Variants in EYS observed in about 807,000 individuals in gnomAD.
EYS encodes the protein EGF-like photoreceptor maintenance factor.
In EYS, 250 loss-of-function variants were observed where a neutral mutation model predicts 282.1. The observed-to-expected ratio is 0.89, with a 90% CI of 0.80 to 0.98. EYS has a LOEUF of 0.98. EYS is among the 50% of genes least tolerant of loss of function. The pLI is 0.00. For synonymous variants in EYS, 1,355 were observed against 1,282.9 expected, an observed-to-expected ratio of 1.06 and a Z score of -1.20; for missense variants, 4,016 against 3,709.0, an observed-to-expected ratio of 1.08 and a Z score of -2.15.
rs188992821 is a variant in EYS, at chr6:64,970,716, A to G, written c.2260-24802T>C. On this transcript the variant is annotated intron_variant, in intron 14 of 42. Coordinates refer to ENST00000503581, the MANE Select transcript of EYS (RefSeq NM_001142800.2). The stretch of plus-strand genomic sequence containing the variant: ...AACCTTGAATAACACCACTGAACCC[A>G]TATGAAGTGCCACTAGTGATGCTGC... 2.0e-5 allele frequency among the ~76,000 whole-genome samples: 3 copies of G among 152,292 alleles called. No individual in the cohort carries two copies. The East Asian group carries it at 5.8e-4, about 29-fold the overall frequency.
chr6:64,104,597 G>A (rs1341251127), intron 31 of EYS, among the ~76,000 whole-genome samples: 1 of 151,858 alleles, frequency 6.6e-6, no homozygotes, highest in Admixed American at 6.6e-5. Flanking sequence ...CCTCTAAGGG[G>A]TGTCTTACTA....
intron 22 of EYS, among the ~76,000 whole-genome samples, chr6:64,732,578 G>A (rs189014025): frequency 9.9e-5 from 15 of 152,134 alleles, no homozygotes; most frequent in South Asian, 2.1e-4. Flanking sequence ...TGAGGGAATC[G>A]TAAGTATAAA....
intron 31 of EYS, among the ~76,000 whole-genome samples, chr6:64,153,223 T>C (rs1774799879): frequency 6.6e-6 from 1 of 152,076 alleles, no homozygotes; most frequent in Admixed American, 6.5e-5. Flanking sequence ...TTTTTGTGCA[T>C]AGTCGCACAT....
At chr6:64,420,098 G>A (rs934527819) in intron 28 of EYS, among the ~76,000 whole-genome samples, 7 of 152,188 alleles carry the variant, frequency 4.6e-5, no homozygotes, top group Admixed American at 4.6e-4. Context: ...TCATACCTCT[G>A]AAATCTAGGC....
intron 22 of EYS, among the ~76,000 whole-genome samples, chr6:64,789,899 AT>A (rs2149999513): frequency 6.6e-6 from 1 of 151,866 alleles, no homozygotes; most frequent in South Asian, 2.1e-4. Context: ...ATATATATAT[AT>A]ATAAATGTCA....
chr6:65,690,532 G>A (rs1419749493), intron 1 of EYS, among the ~76,000 whole-genome samples: 1 of 150,154 alleles, frequency 6.7e-6, no homozygotes, highest in Non-Finnish European at 1.5e-5. Flanking sequence ...GCTCTCTGCA[G>A]GCGGAAGCAC....
intron 12 of EYS, among the ~76,000 whole-genome samples, chr6:65,206,418 C>G (rs568468338): frequency 6.6e-6 from 1 of 151,326 alleles, no homozygotes; most frequent in African/African-American, 2.4e-5. Flanking sequence ...AAAATAAGCC[C>G]AGGACCAACA....
chr6:64,948,529 C>T (rs1040490828), intron 14 of EYS, among the ~76,000 whole-genome samples: 7 of 143,032 alleles, frequency 4.9e-5, no homozygotes, highest in Non-Finnish European at 9.1e-5. Context: ...TTATATTCCA[C>T]TAGAAAACTG....
intron 5 of EYS, among the ~76,000 whole-genome samples, chr6:65,478,017 T>C (rs533713952): frequency 3.2e-4 from 49 of 152,248 alleles, no homozygotes; most frequent in African/African-American, 1.2e-3. Flanking sequence ...CATATTCTCC[T>C]GATTATCAAA....
intron 16 of EYS, among the ~76,000 whole-genome samples, chr6:64,904,350 G>T (rs1368160697): frequency 6.6e-6 from 1 of 152,080 alleles, no homozygotes; most frequent in Non-Finnish European, 1.5e-5. Flanking sequence ...TCAGCTTTAG[G>T]AACAAAATTA....
chr6:64,138,763 A>T (rs1207420755), intron 31 of EYS, among the ~76,000 whole-genome samples: 1 of 152,214 alleles, frequency 6.6e-6, no homozygotes, highest in Non-Finnish European at 1.5e-5. Flanking sequence ...CACATATAGG[A>T]CATGGATAGC....
At chr6:64,187,738 G>T (rs1436893099) in intron 31 of EYS, among the ~76,000 whole-genome samples, 1 of 152,010 alleles carries the variant, frequency 6.6e-6, no homozygotes, top group Admixed American at 6.6e-5. Flanking sequence ...GTTTCATTAA[G>T]AACTGCATAT....
At chr6:64,501,672 G>C (rs1396605866) in intron 26 of EYS, among the ~76,000 whole-genome samples, 1 of 152,104 alleles carries the variant, frequency 6.6e-6, no homozygotes, top group Non-Finnish European at 1.5e-5. Flanking sequence ...AAGAAGTTTT[G>C]ACAAATTTTA....
intron 13 of EYS, among the ~76,000 whole-genome samples, chr6:65,032,323 GT>G (rs1772630868): frequency 6.6e-6 from 1 of 152,268 alleles, no homozygotes; most frequent in South Asian, 2.1e-4. Context: ...TAAAAGAGTT[GT>G]GATATAGTTT....
At chr6:65,012,926 T>C (rs1028998809) in intron 13 of EYS, among the ~76,000 whole-genome samples, 1 of 151,728 alleles carries the variant, frequency 6.6e-6, no homozygotes, top group Admixed American at 6.6e-5. Flanking sequence ...TGCTTAGTAG[T>C]ATAGAGAATT....
chr6:63,976,473 G>C (rs1766842321), intron 35 of EYS, among the ~76,000 whole-genome samples: 1 of 151,994 alleles, frequency 6.6e-6, no homozygotes, highest in Non-Finnish European at 1.5e-5. Flanking sequence ...ATGCTCACTT[G>C]TAGGCTGTGG....
At chr6:64,567,005 C>T (rs929961105) in intron 26 of EYS, among the ~76,000 whole-genome samples, 1 of 152,112 alleles carries the variant, frequency 6.6e-6, no homozygotes, top group African/African-American at 2.4e-5. Context: ...GAACTCCTGA[C>T]CTCAGGTGAT....
intron 11 of EYS, among the ~76,000 whole-genome samples, chr6:65,301,393 C>T (rs866553207): frequency 2.0e-4 from 30 of 152,332 alleles, no homozygotes; most frequent in South Asian, 2.1e-4. Flanking sequence ...TTCCAGAACC[C>T]TCGCGCCCTG....
chr6:65,591,107 G>A (rs1405923406), intron 2 of EYS, among the ~76,000 whole-genome samples: 2 of 151,860 alleles, frequency 1.3e-5, no homozygotes, highest in Non-Finnish European at 2.9e-5. Context: ...GTGTGTGAAG[G>A]TTCCCCTTTC....
Sources: gnomAD v4.1 joint callset for allele counts (sites outside exome capture counted in the v4.1 genomes callset) on GRCh38, gnomAD v4.1.1 for gene constraint, MANE v1.5 for transcripts, NCBI Gene and HGNC (gene_info 2026-07-23, HGNC 2026-07-21) for gene names.